ALPK1: variants seen among roughly 807,000 people sequenced by gnomAD.
ALPK1 encodes alpha-protein kinase 1.
Under a neutral mutation model 120.6 loss-of-function variants are expected in ALPK1, and 110 were observed. That is an observed-to-expected ratio of 0.91 (90% CI 0.78 to 1.07). ALPK1 has a LOEUF of 1.07. Ranked by LOEUF, ALPK1 falls within the 50% of genes least tolerant of loss-of-function variation. The pLI is 0.00. For missense variants in ALPK1, 1,498 were observed against 1,483.9 expected (o/e 1.01, Z -0.16); for synonymous variants, 582 against 560.3 (o/e 1.04, Z -0.55).
At chr4:112,311,433 ATGGTAATGAT>A (rs925214732) in intron 1 of ALPK1, among the ~76,000 whole-genome samples, 1 of 152,208 alleles carries the variant, frequency 6.6e-6, no homozygotes, top group African/African-American at 2.4e-5. Context: ...TACTCAATAA[ATGGTAATGAT>A]TACTATTTCT....
intron 1 of ALPK1, among the ~76,000 whole-genome samples, chr4:112,299,578 G>A (rs1350014348): frequency 6.6e-6 from 1 of 152,152 alleles, no homozygotes; most frequent in Non-Finnish European, 1.5e-5. Flanking sequence ...AATGGCTAAA[G>A]TTTCAGACAT....
At chr4:112,351,066 G>A (rs1730331814) in intron 2 of ALPK1, among the ~76,000 whole-genome samples, 1 of 152,218 alleles carries the variant, frequency 6.6e-6, no homozygotes, top group Admixed American at 6.5e-5. Context: ...CCAGCTATGT[G>A]GGCCAGGCTA....
intron 2 of ALPK1, among the ~76,000 whole-genome samples, chr4:112,324,984 G>A (rs554710560): frequency 5.9e-5 from 8 of 136,022 alleles, no homozygotes; most frequent in Middle Eastern, 7.8e-3. Context: ...AGGGGGGGGG[G>A]GGCAAATAGA....
intron 2 of ALPK1, among the ~76,000 whole-genome samples, chr4:112,363,410 A>T (rs1731001766): frequency 6.6e-6 from 1 of 152,216 alleles, no homozygotes; most frequent in African/African-American, 2.4e-5. Flanking sequence ...ATAGCTATTC[A>T]TGTATTAGAC....
intron 4 of ALPK1, among the ~76,000 whole-genome samples, chr4:112,399,686 C>T (rs576502910): frequency 6.8e-4 from 104 of 152,086 alleles, no homozygotes; most frequent in Non-Finnish European, 1.0e-3. Context: ...ACCTATCAAC[C>T]CGTCATTTAA....
chr4:112,379,484 G>C (rs528932949), intron 3 of ALPK1, among the ~76,000 whole-genome samples: 4 of 152,342 alleles, frequency 2.6e-5, no homozygotes, highest in African/African-American at 9.6e-5. Flanking sequence ...CCAGCCCAAG[G>C]GCGGCGCTGC....
chr4:112,339,666 T>C (rs1729774059), intron 2 of ALPK1, among the ~76,000 whole-genome samples: 1 of 152,240 alleles, frequency 6.6e-6, no homozygotes, highest in Non-Finnish European at 1.5e-5. Context: ...CCATACTTTG[T>C]TGAAATTGAA....
chr4:112,422,997 A>T (rs1283631317), intron 5 of ALPK1, among the ~76,000 whole-genome samples: 2 of 152,196 alleles, frequency 1.3e-5, no homozygotes. Flanking sequence ...AGGGAAATAA[A>T]CTCTAGATTC....
At chr4:112,441,177 G>T (rs766919395) in intron 15 of ALPK1, 26 bp from the exon 16 acceptor site, 9 of 1,611,820 alleles carry the variant, frequency 5.6e-6, no homozygotes, top group Non-Finnish European at 7.6e-6. Context: ...GGTGATGCTC[G>T]CAAATATCTG....
intron 2 of ALPK1, among the ~76,000 whole-genome samples, chr4:112,374,878 A>T (rs1276830373): frequency 6.6e-6 from 1 of 152,220 alleles, no homozygotes; most frequent in Non-Finnish European, 1.5e-5. Flanking sequence ...TTGTGAACAG[A>T]TATCCTGTTA....
intron 2 of ALPK1, among the ~76,000 whole-genome samples, chr4:112,324,798 C>T (rs2148696772): frequency 6.6e-6 from 1 of 152,250 alleles, no homozygotes; most frequent in South Asian, 2.1e-4. Flanking sequence ...TCTTGACATA[C>T]ACTGCAAGAA....
intron 11 of ALPK1, among the ~76,000 whole-genome samples, chr4:112,434,436 A>G (rs918240411): frequency 6.6e-6 from 1 of 152,224 alleles, no homozygotes; most frequent in Non-Finnish European, 1.5e-5. Flanking sequence ...TTCACAATCT[A>G]GACAAAAGTC....
intron 12 of ALPK1, 94 bp downstream of exon 12, chr4:112,435,395 A>T (rs1734747170): frequency 8.6e-7 from 1 of 1,164,878 alleles, no homozygotes; most frequent in African/African-American, 1.6e-5. Flanking sequence ...AGGGGCTGAA[A>T]AACTTGGCCA....
At chr4:112,359,046 A>G in intron 2 of ALPK1, 1 of 761,180 alleles carries the variant, frequency 1.3e-6, no homozygotes, top group Non-Finnish European at 2.5e-6. Flanking sequence ...CATTCCCCAA[A>G]GGCAGCGGAC....
At chr4:112,358,310 A>T in intron 2 of ALPK1, 1 of 595,898 alleles carries the variant, frequency 1.7e-6, no homozygotes. Flanking sequence ...CGGCCATGTC[A>T]TCCAAGACGT....
At chr4:112,322,374 T>C (rs1363823218) in intron 2 of ALPK1, among the ~76,000 whole-genome samples, 1 of 152,240 alleles carries the variant, frequency 6.6e-6, no homozygotes, top group Non-Finnish European at 1.5e-5. Flanking sequence ...TTACCTTCTT[T>C]GAACACTACA....
chr4:112,428,982 C>G (rs185534701), intron 9 of ALPK1, among the ~76,000 whole-genome samples, 167 bp from the exon 10 acceptor site: 1 of 152,340 alleles, frequency 6.6e-6, no homozygotes, highest in East Asian at 1.9e-4. Flanking sequence ...AAAGTCAACA[C>G]CTTGTGGTCT....
intron 2 of ALPK1, among the ~76,000 whole-genome samples, chr4:112,377,059 A>T (rs940756020): frequency 6.6e-6 from 1 of 152,224 alleles, no homozygotes; most frequent in African/African-American, 2.4e-5. Context: ...ACGTTAAATG[A>T]CAATATAAGT....
intron 4 of ALPK1, among the ~76,000 whole-genome samples, chr4:112,400,161 GTTC>G (rs1468748593): frequency 2.9e-4 from 44 of 152,110 alleles, no homozygotes; most frequent in Non-Finnish European, 2.5e-4. Context: ...CCAGATTATT[GTTC>G]TTAAGGTGGA....
Sources: allele counts gnomAD v4.1 joint callset (sites outside exome capture counted in the v4.1 genomes callset), GRCh38; gene constraint gnomAD v4.1.1; transcripts MANE v1.5; gene names NCBI Gene and HGNC (gene_info 2026-07-23, HGNC 2026-07-21).